DLK2: variants seen among roughly 807,000 people sequenced by gnomAD.
DLK2 encodes the protein delta like non-canonical Notch ligand 2.
DLK2 carries 9 observed loss-of-function variants against 31.3 expected under a neutral mutation model. The ratio of observed to expected loss-of-function variants is 0.29; its 90% CI spans 0.17 to 0.50. DLK2 has a LOEUF of 0.50. Among genes scored for constraint, DLK2 ranks in the 20% least tolerant of loss-of-function variants. DLK2 has a pLI of 0.98. For missense variants in DLK2, 387 were observed against 526.1 expected (o/e 0.74, Z 2.59); for synonymous variants, 169 against 201.2 (o/e 0.84, Z 1.35).
chr6:43,450,721 T>C lies in DLK2; in HGVS notation c.970A>G (p.Thr324Ala), dbSNP rs1276366173. ...GALTAALVLA[T>A]VLLTLRAWRR... ...CAGGCCCTCAGGGTCAGCAACACAG[T>C]AGCCAGAACCAGGGCAGCAGTGAGG... The change falls in exon 6 of 6, where the codon ACT (threonine) becomes GCT (alanine). Residue 324 changes from threonine to alanine, a missense_variant. Physicochemically the swap from Thr to Ala is moderately conservative, Grantham distance 58 (BLOSUM62 0). Coordinates refer to ENST00000372488, the MANE Select transcript of DLK2 (RefSeq NM_023932.4). This position sits in a 1 kb window ranked among gnomAD's most constrained non-coding sequence, Gnocchi z 4.5. 6.2e-7 allele frequency: 1 copy of C among 1,613,956 alleles called. No individual in the cohort carries two copies. Among genetic ancestry groups the C allele is most frequent in the African/African-American group, 1.3e-5 (1 of 74,902 alleles).
upstream of DLK2, chr6:43,456,305 C>T (rs920652442): frequency 6.6e-6 from 1 of 152,534 alleles, no homozygotes; most frequent in African/African-American, 2.4e-5. Flanking sequence ...TCAGGCTAAA[C>T]CTCAACTGCC....
Position 43,450,954 on chromosome 6 carries a change from G to C in DLK2, c.737C>G (p.Thr246Ser). The change falls in exon 6 of 6, where the codon ACC becomes AGC. Residue 246 changes from threonine (T) to serine (S), a missense_variant. By Grantham distance (58) the Thr-to-Ser change is moderately conservative. Coordinates refer to ENST00000372488, the MANE Select transcript of DLK2 (RefSeq NM_023932.4). The surrounding 1 kb of genome is among the most constrained non-coding windows in gnomAD (Gnocchi z 4.5). ...TGGGACAGGTAAGACAAGCTCACAG[G>C]TCTTGCCACCATAGCCACTGGGGCA... ...CLCPSGYGGK[T>S]CELVLPVPDP... 6.2e-7 allele frequency: 1 copy of C among 1,614,220 alleles called. No individual in the cohort carries two copies. Among genetic ancestry groups the C allele is most frequent in the East Asian group, 2.2e-5 (1 of 44,888 alleles).
At position 43,451,908 on chromosome 6, in the gene DLK2, C is replaced by A. The variant is rs147808380; in HGVS notation, c.416+32G>T. Reference sequence around the variant, plus strand: ...ATCCCATCACCAGGTTCTGGTCTAACCTTCCACTCACCCTGAGGGCCCAGC... The same window carrying A: ...ATCCCATCACCAGGTTCTGGTCTAAACTTCCACTCACCCTGAGGGCCCAGC... On this transcript the variant is annotated intron_variant, in intron 5 of 5. Coordinates refer to ENST00000372488, the MANE Select transcript of DLK2 (RefSeq NM_023932.4). This position sits in a 1 kb window ranked among gnomAD's most constrained non-coding sequence, Gnocchi z 4.4. 7,143 of 1,612,656 alleles carry A rather than the reference C, an allele frequency of 4.4e-3. 23 individuals are homozygous for A. Among genetic ancestry groups the A allele is most frequent in the Non-Finnish European group, 5.6e-3 (6,584 of 1,179,628 alleles).
intron 2 of DLK2, 115 bp downstream of exon 2, chr6:43,454,635 C>T: frequency 7.1e-7 from 1 of 1,414,300 alleles, no homozygotes; most frequent in East Asian, 2.5e-5. Context: ...CAACCTCGGT[C>T]TTGCTTGCCC....
chr6:43,454,932 G>T, intron 1 of DLK2, 52 bp from the exon 2 acceptor site: 16 of 1,441,642 alleles, frequency 1.1e-5, no homozygotes, highest in Non-Finnish European at 1.5e-5. Context: ...TAGCGGCACG[G>T]ATACGGGTTC....
intron 1 of DLK2, 83 bp downstream of exon 1, chr6:43,455,312 C>G (rs947905039): frequency 6.4e-6 from 1 of 156,114 alleles, no homozygotes; most frequent in African/African-American, 2.5e-5. Flanking sequence ...TCTCCCACGT[C>G]CCCTTTCTAT....
chr6:43,450,364 A>G lies in DLK2; in HGVS notation c.*175T>C. 1.0e-6 allele frequency: 1 copy of G among 993,046 alleles called. No individual in the cohort carries two copies. Among genetic ancestry groups the G allele is most frequent in the South Asian group, 2.1e-5 (1 of 46,898 alleles). 61.5% of individuals were successfully genotyped at this position (993,046 alleles called of 1,614,324 possible). ...CATAGGAGCCCACTTGCATTTTCAT[A>G]GTTTTATTTGATAAAATTCCATCTT... On this transcript the variant is annotated 3_prime_UTR_variant, in exon 6 of 6. Transcript: ENST00000372488. The surrounding 1 kb of genome is among the most constrained non-coding windows in gnomAD (Gnocchi z 4.5).
chr6:43,455,643 C>T (rs1247160660), upstream of DLK2: 2 of 143,552 alleles, frequency 1.4e-5, no homozygotes, highest in African/African-American at 5.1e-5. Flanking sequence ...CCCCCATCCC[C>T]CCCCCCGCGA....
chr6:43,455,806 A>G (rs1206658708), upstream of DLK2, among the ~76,000 whole-genome samples: 1 of 151,360 alleles, frequency 6.6e-6, no homozygotes, highest in African/African-American at 2.4e-5. Context: ...CAACCCCGTT[A>G]TTCTCTCATC....
In DLK2 at chr6:43,450,566, A is replaced by G; in HGVS notation, c.1125T>C (p.Pro375=). 6.4e-7 allele frequency: 1 copy of G among 1,572,364 alleles called. No individual in the cohort carries two copies. The highest frequency in any genetic ancestry group is 2.2e-5 in the East Asian group (1 of 44,518). Residue 375 remains proline (P), a synonymous_variant, in exon 6 of 6, where the codon CCT becomes CCC. Transcript: ENST00000372488. This position sits in a 1 kb window ranked among gnomAD's most constrained non-coding sequence, Gnocchi z 4.5. The stretch of plus-strand genomic sequence containing the variant: ...ACAGTGCTGTGGTCTTTCCAGGCTC[A>G]GGGGGCAAGTCACGTGGCAGGGGGA... ...AGLPLPRDLP[P]EPGKTTAL
rs757586307 is a variant in DLK2 at position 43,450,677 on chromosome 6, G to A, written c.1014C>T (p.Pro338=). Residue 338 remains proline (P), a synonymous_variant, in exon 6 of 6, where the codon CCC becomes CCT. Transcript: ENST00000372488. This position sits in a 1 kb window ranked among gnomAD's most constrained non-coding sequence, Gnocchi z 4.5. ...TLRAWRRGVC[P]PGPCCYPAPH... ...GGGCAGGGTAGCAACAGGGTCCAGGGGGGCAGACACCCCGGCGCCAGGCCC... is the reference window on the plus strand; with the variant it reads ...GGGCAGGGTAGCAACAGGGTCCAGGAGGGCAGACACCCCGGCGCCAGGCCC... The A allele has an allele frequency of 6.2e-7, 1 of 1,613,944 alleles. No homozygotes were observed. Among genetic ancestry groups the A allele is most frequent in the Non-Finnish European group, 8.5e-7 (1 of 1,179,922 alleles).
intron 1 of DLK2, 106 bp downstream of exon 1, chr6:43,455,287 CCG>C (rs1491552616): frequency 0.027 from 3,317 of 122,870 alleles, 141 homozygotes; most frequent in African/African-American, 0.086. Context: ...GCCCCCCCCC[CCG>C]CCACCACCAC....
Position 43,450,871 on chromosome 6 carries a change from C to T in DLK2, c.820G>A (p.Ala274Thr). 1 of 1,614,162 alleles carries T rather than the reference C, an allele frequency of 6.2e-7. No homozygotes were observed. The highest frequency in any genetic ancestry group is 2.2e-5 in the East Asian group (1 of 44,878). ...LGPTSAVVVP[A>T]TGPAPHSAGA... Reference sequence around the variant, plus strand: ...GCGCTGTGGGGGGCTGGCCCCGTGGCAGGTACCACTACAGCTGAGGTGGGC... The same window carrying T: ...GCGCTGTGGGGGGCTGGCCCCGTGGTAGGTACCACTACAGCTGAGGTGGGC... Residue 274 changes from alanine (A) to threonine (T), a missense_variant, in exon 6 of 6, where the codon GCC (alanine) becomes ACC (threonine). Coordinates refer to ENST00000372488, the MANE Select transcript of DLK2 (RefSeq NM_023932.4). The surrounding 1 kb of genome is among the most constrained non-coding windows in gnomAD (Gnocchi z 4.5).
At position 43,453,581 on chromosome 6, in the gene DLK2, T is replaced by G. The variant is rs148337984; in HGVS notation, c.141-446A>C. Among the ~76,000 whole-genome samples, 5,301 of 152,170 alleles carry G rather than the reference T, an allele frequency of 0.035. 130 individuals are homozygous for G. Among genetic ancestry groups the G allele is most frequent in the Non-Finnish European group, 0.05 (3,377 of 67,988 alleles). On this transcript the variant is annotated intron_variant, in intron 3 of 5. Coordinates refer to ENST00000372488, the MANE Select transcript of DLK2 (RefSeq NM_023932.4). The surrounding 1 kb of genome is among the most constrained non-coding windows in gnomAD (Gnocchi z 4.1). ...GTCGAGGCAGGTGGATCACTTGAGGTCAGGAGTTCAAGACCAGCCTGGCCA... is the reference window on the plus strand; with the variant it reads ...GTCGAGGCAGGTGGATCACTTGAGGGCAGGAGTTCAAGACCAGCCTGGCCA...
In DLK2 at chr6:43,452,088, G is replaced by A; in HGVS notation, c.272-4C>T. 1 of 1,614,222 alleles carries A rather than the reference G, an allele frequency of 6.2e-7. No homozygotes were observed. Among genetic ancestry groups the A allele is most frequent in the South Asian group, 1.1e-5 (1 of 91,080 alleles). On this transcript the variant is annotated splice_region_variant and splice_polypyrimidine_tract_variant and intron_variant, in intron 4 of 5. Transcript: ENST00000372488. ...TGCGTGGTACAGATATGTTCATCTG[G>A]AGAGGGGACAGGAAAGGCTCTGGGA...
chr6:43,451,391 C>T lies in DLK2; in HGVS notation c.417-117G>A. The T allele has an allele frequency of 7.9e-7, 1 of 1,264,688 alleles. No homozygotes were observed. The highest frequency in any genetic ancestry group is 1.1e-6 in the Non-Finnish European group (1 of 931,296). 78.3% of individuals were successfully genotyped at this position (1,264,688 alleles called of 1,614,324 possible). A position where few individuals can be genotyped will look rare whatever the true frequency, so the allele number is the denominator to read the frequency against. Reference sequence around the variant, plus strand: ...ATCTTGGGCTACACACTCCGAGCCTCAAATACCTCATTTTAAAAATGAGAA... The same window carrying T: ...ATCTTGGGCTACACACTCCGAGCCTTAAATACCTCATTTTAAAAATGAGAA... On this transcript the variant is annotated intron_variant, in intron 5 of 5. Transcript: ENST00000372488. This position sits in a 1 kb window ranked among gnomAD's most constrained non-coding sequence, Gnocchi z 4.4.
rs1783846338 is a variant in DLK2, at chr6:43,453,308, C to G, written c.141-173G>C. Among the ~76,000 whole-genome samples, 1 of 152,232 alleles carries G rather than the reference C, an allele frequency of 6.6e-6. No homozygotes were observed. The highest frequency in any genetic ancestry group is 2.1e-4 in the South Asian group (1 of 4,836). On this transcript the variant is annotated intron_variant, in intron 3 of 5. Coordinates refer to ENST00000372488, the MANE Select transcript of DLK2 (RefSeq NM_023932.4). The surrounding 1 kb of genome is among the most constrained non-coding windows in gnomAD (Gnocchi z 4.1). ...GGGTCATAGGACACATATACGGAAT[C>G]AGACCATCAGACACCAGCACTCAAA...
intron 4 of DLK2, among the ~76,000 whole-genome samples, 165 bp downstream of exon 4, chr6:43,452,840 G>A (rs1783824845): frequency 1.3e-5 from 2 of 152,060 alleles, no homozygotes; most frequent in Admixed American, 6.6e-5. Flanking sequence ...GTTATGTTGA[G>A]GATCAATTCA....
In DLK2 at chr6:43,453,585, G is replaced by A. The variant is rs985503685; in HGVS notation, c.141-450C>T. On this transcript the variant is annotated intron_variant, in intron 3 of 5. Coordinates refer to ENST00000372488, the MANE Select transcript of DLK2 (RefSeq NM_023932.4). The surrounding 1 kb of genome is among the most constrained non-coding windows in gnomAD (Gnocchi z 4.1). ...AGGCAGGTGGATCACTTGAGGTCAGGAGTTCAAGACCAGCCTGGCCAACTG... is the reference window on the plus strand; with the variant it reads ...AGGCAGGTGGATCACTTGAGGTCAGAAGTTCAAGACCAGCCTGGCCAACTG... Among the ~76,000 whole-genome samples, 3 of 152,190 alleles carry A rather than the reference G, an allele frequency of 2.0e-5. No homozygotes were observed. Among genetic ancestry groups the A allele is most frequent in the African/African-American group, 7.2e-5 (3 of 41,438 alleles).
Sources: gnomAD v4.1 joint callset for allele counts (sites outside exome capture counted in the v4.1 genomes callset) on GRCh38, gnomAD v4.1.1 for gene constraint, Gnocchi (gnomAD v3.1) non-coding constraint, MANE v1.5 for transcripts, NCBI Gene and HGNC (gene_info 2026-07-23, HGNC 2026-07-21) for gene names.